MT2A: variants seen among roughly 807,000 people sequenced by gnomAD.
MT2A encodes metallothionein-2.
A neutral mutation model predicts 9.9 loss-of-function variants in MT2A; 6 were observed. That is an observed-to-expected ratio of 0.61 (90% CI 0.33 to 1.20). The LOEUF is 1.20. Ranked by LOEUF, MT2A falls within the 50% of genes most tolerant of loss-of-function variation. The probability of loss-of-function intolerance (pLI) is 0.04; values close to 1 mark genes in which losing one functional copy is unlikely to be tolerated. For synonymous variants in MT2A, 27 were observed against 28.7 expected, an observed-to-expected ratio of 0.94 and a Z score of 0.18; for missense variants, 57 against 78.2, an observed-to-expected ratio of 0.73 and a Z score of 1.02.
chr16:56,608,613 C>G lies in MT2A; in HGVS notation c.-43C>G. On this transcript the variant is annotated 5_prime_UTR_variant, in exon 1 of 3. Transcript: ENST00000245185. ...CGCCTCCTCCAAGTCCCAGCGAACCCGCGTGCAACCTGTCCCGACTCTAGC... is the reference window on the plus strand; with the variant it reads ...CGCCTCCTCCAAGTCCCAGCGAACCGGCGTGCAACCTGTCCCGACTCTAGC... 1.2e-6 allele frequency: 2 copies of G among 1,614,046 alleles called. No individual in the cohort carries two copies. The highest frequency in any genetic ancestry group is 1.7e-6 in the Non-Finnish European group (2 of 1,179,952).
At chr16:56,608,745 T>C in intron 1 of MT2A, 62 bp downstream of exon 1, 1 of 1,606,012 alleles carries the variant, frequency 6.2e-7, no homozygotes, top group Non-Finnish European at 8.5e-7. Flanking sequence ...CTGACCCCTC[T>C]TTCTTTCTCT....
rs1330572595 is a variant in MT2A, at chr16:56,608,670, C to T, written c.15C>T (p.Cys5=). ...TTCAGCTCGCCATGGATCCCAACTGCTCCTGCGCCGCCGGTAAGAGGCTGG... is the reference window on the plus strand; with the variant it reads ...TTCAGCTCGCCATGGATCCCAACTGTTCCTGCGCCGCCGGTAAGAGGCTGG... MDPN[C]SCAAGDSCTC... The change falls in exon 1 of 3, where the codon TGC becomes TGT. Residue 5 remains cysteine (C), a synonymous_variant. Transcript: ENST00000245185. 3.7e-6 allele frequency: 6 copies of T among 1,614,130 alleles called. No individual in the cohort carries two copies. Among genetic ancestry groups the T allele is most frequent in the Non-Finnish European group, 4.2e-6 (5 of 1,180,042 alleles).
chr16:56,609,052 A>G lies in MT2A; in HGVS notation c.89A>G (p.Lys30Arg), dbSNP rs778730192. 1 of 1,614,184 alleles carries G rather than the reference A, an allele frequency of 6.2e-7. No homozygotes were observed. Among genetic ancestry groups the G allele is most frequent in the Non-Finnish European group, 8.5e-7 (1 of 1,180,024 alleles). ...KCKECKCTSC[K>R]KSCCSCCPVG... The stretch of plus-strand genomic sequence containing the variant: ...AAAGAGTGCAAATGCACCTCCTGCA[A>G]GAAAAGTAAGTGGGATCCTCTCTTT... The change falls in exon 2 of 3, where the codon AAG becomes AGG. Residue 30 changes from lysine (K) to arginine (R), a missense_variant. Coordinates refer to ENST00000245185, the MANE Select transcript of MT2A (RefSeq NM_005953.5).
chr16:56,608,876 G>C (rs1253082432), intron 1 of MT2A, 116 bp from the exon 2 acceptor site: 1 of 1,361,214 alleles, frequency 7.3e-7, no homozygotes, highest in Admixed American at 1.8e-5. Flanking sequence ...TTAATGGCTT[G>C]CTCAAGTTCC....
intron 2 of MT2A, 78 bp from the exon 3 acceptor site, chr16:56,609,175 CTCCTCAGTGA>C: frequency 6.2e-7 from 1 of 1,612,298 alleles, no homozygotes; most frequent in Non-Finnish European, 8.5e-7. Context: ...AAATTGTTGC[CTCCTCAGTGA>C]TCCTTATCAG....
chr16:56,608,713 T>A, intron 1 of MT2A, 30 bp downstream of exon 1: 9 of 1,613,928 alleles, frequency 5.6e-6, no homozygotes, highest in Non-Finnish European at 7.6e-6. Context: ...CAGTGTAGAC[T>A]GTAGCGCTAG....
At chr16:56,609,234 C>T in intron 2 of MT2A, 29 bp from the exon 3 acceptor site, 1 of 1,613,960 alleles carries the variant, frequency 6.2e-7, no homozygotes, top group Non-Finnish European at 8.5e-7. Context: ...CGCTAGTACT[C>T]ATCTCTGCCG....
intron 1 of MT2A, 44 bp from the exon 2 acceptor site, chr16:56,608,948 A>G (rs773322055): frequency 1.3e-6 from 2 of 1,596,648 alleles, no homozygotes; most frequent in Admixed American, 1.7e-5. Flanking sequence ...TCCCTTGTTC[A>G]GGTATCCAGG....
chr16:56,608,838 C>G (rs1959997680), intron 1 of MT2A, 154 bp from the exon 2 acceptor site: 2 of 1,308,406 alleles, frequency 1.5e-6, no homozygotes, highest in East Asian at 4.7e-5. Context: ...TATTCGGAGC[C>G]CCCTTTTTAC....
rs777588985 is a variant in MT2A at position 56,609,273 on chromosome 16, C to T, written c.105C>T (p.Ser35=). ...KCTSCKKSCC[S]CCPVGCAKCA... Reference sequence around the variant, plus strand: ...CCTGTCTGCCCCCAGGCTGCTGCTCCTGCTGCCCTGTGGGCTGTGCCAAGT... The same window carrying T: ...CCTGTCTGCCCCCAGGCTGCTGCTCTTGCTGCCCTGTGGGCTGTGCCAAGT... Residue 35 remains serine, a synonymous_variant, in exon 3 of 3, where the codon TCC becomes TCT. Transcript: ENST00000245185. The T allele has an allele frequency of 6.2e-7, 1 of 1,614,222 alleles. No individual in the cohort carries two copies. The highest frequency in any genetic ancestry group is 8.5e-7 in the Non-Finnish European group (1 of 1,180,048).
Position 56,609,405 on chromosome 16 carries a change from T to C in MT2A, c.*51T>C, listed in dbSNP as rs767639266. Reference sequence around the variant, plus strand: ...GTAAAGAACGCGACTTCCACAAACCTGGATTTTTTATGTACAACCCTGACC... The same window carrying C: ...GTAAAGAACGCGACTTCCACAAACCCGGATTTTTTATGTACAACCCTGACC... On this transcript the variant is annotated 3_prime_UTR_variant, in exon 3 of 3. Transcript: ENST00000245185. The C allele has an allele frequency of 3.1e-6, 5 of 1,605,150 alleles. No individual in the cohort carries two copies. Among genetic ancestry groups the C allele is most frequent in the African/African-American group, 1.3e-5 (1 of 74,656 alleles).
rs751773275 is a variant in MT2A at position 56,609,279 on chromosome 16, C to T, written c.111C>T (p.Cys37=). 1.3e-5 allele frequency: 21 copies of T among 1,614,194 alleles called. No individual in the cohort carries two copies. Among genetic ancestry groups the T allele is most frequent in the Non-Finnish European group, 1.6e-5 (19 of 1,180,032 alleles). ...TGCCCCCAGGCTGCTGCTCCTGCTG[C>T]CCTGTGGGCTGTGCCAAGTGTGCCC... The part of the protein sequence containing the change: ...TSCKKSCCSC[C]PVGCAKCAQG... Residue 37 remains cysteine, a synonymous_variant, in exon 3 of 3, where the codon TGC becomes TGT. Transcript: ENST00000245185.
intron 1 of MT2A, 28 bp from the exon 2 acceptor site, chr16:56,608,964 T>G: frequency 6.2e-7 from 1 of 1,613,570 alleles, no homozygotes; most frequent in African/African-American, 1.3e-5. Flanking sequence ...CCAGGGACGG[T>G]TCTCACCTCT....
At position 56,609,431 on chromosome 16, in the gene MT2A, G is replaced by C. The variant is rs10636; in HGVS notation, c.*77G>C. 0.27 allele frequency: 401,999 copies of C among 1,514,694 alleles called. 54,806 individuals are homozygous for C. Among genetic ancestry groups the C allele is most frequent in the South Asian group, 0.4 (32,287 of 80,162 alleles). The allele number at this position is 1,514,694 out of a possible 1,614,324, so 93.8% of individuals were successfully genotyped here. On this transcript the variant is annotated 3_prime_UTR_variant, in exon 3 of 3. Transcript: ENST00000245185. Reference sequence around the variant, plus strand: ...GGATTTTTTATGTACAACCCTGACCGTGACCGTTTGCTATATTCCTTTTTC... The same window carrying C: ...GGATTTTTTATGTACAACCCTGACCCTGACCGTTTGCTATATTCCTTTTTC...
chr16:56,608,620 A>G lies in MT2A; in HGVS notation c.-36A>G, dbSNP rs761890309. ...TCCAAGTCCCAGCGAACCCGCGTGC[A>G]ACCTGTCCCGACTCTAGCCGCCTCT... On this transcript the variant is annotated 5_prime_UTR_variant, in exon 1 of 3. Transcript: ENST00000245185. 30 of 1,613,980 alleles carry G rather than the reference A, an allele frequency of 1.9e-5. No homozygotes were observed. The highest frequency in any genetic ancestry group is 2.5e-5 in the Non-Finnish European group (30 of 1,180,010).
At position 56,609,431 on chromosome 16, in the gene MT2A, G is replaced by T; in HGVS notation, c.*77G>T. ...GGATTTTTTATGTACAACCCTGACCGTGACCGTTTGCTATATTCCTTTTTC... is the reference window on the plus strand; with the variant it reads ...GGATTTTTTATGTACAACCCTGACCTTGACCGTTTGCTATATTCCTTTTTC... On this transcript the variant is annotated 3_prime_UTR_variant, in exon 3 of 3. Transcript: ENST00000245185. The T allele has an allele frequency of 6.6e-7, 1 of 1,519,168 alleles. No homozygotes were observed. The allele number at this position is 1,519,168 out of a possible 1,614,324, so 94.1% of individuals were successfully genotyped here. A position where few individuals can be genotyped will look rare whatever the true frequency, so the allele number is the denominator to read the frequency against.
chr16:56,608,765 A>T (rs1959996755), intron 1 of MT2A, 82 bp downstream of exon 1: 10 of 1,586,440 alleles, frequency 6.3e-6, no homozygotes, highest in Non-Finnish European at 8.7e-6. Context: ...TGGTCACTCA[A>T]TTTCAGGACA....
chr16:56,608,804 G>A (rs569409470), intron 1 of MT2A, 121 bp downstream of exon 1: 3 of 1,439,364 alleles, frequency 2.1e-6, no homozygotes, highest in East Asian at 2.3e-5. Flanking sequence ...AGAGTTTTGG[G>A]GTATCTTTCT....
chr16:56,609,303 C>G lies in MT2A; in HGVS notation c.135C>G (p.Ala45=). 6.2e-7 allele frequency: 1 copy of G among 1,614,194 alleles called. No individual in the cohort carries two copies. The highest frequency in any genetic ancestry group is 8.5e-7 in the Non-Finnish European group (1 of 1,180,038). Residue 45 remains alanine (A), a synonymous_variant, in exon 3 of 3, where the codon GCC becomes GCG. Coordinates refer to ENST00000245185, the MANE Select transcript of MT2A (RefSeq NM_005953.5). ...GCCCTGTGGGCTGTGCCAAGTGTGC[C>G]CAGGGCTGCATCTGCAAAGGGGCGT... ...SCCPVGCAKC[A]QGCICKGASD... is the part of the protein sequence containing the mutation.
Sources: allele counts gnomAD v4.1 joint callset, GRCh38; gene constraint gnomAD v4.1.1; transcripts MANE v1.5; gene names NCBI Gene and HGNC (gene_info 2026-07-23, HGNC 2026-07-21).